SEC24A: variants seen among roughly 807,000 people sequenced by gnomAD.
SEC24A encodes protein transport protein Sec24A.
Under a neutral mutation model 129.4 loss-of-function variants are expected in SEC24A, and 93 were observed. The ratio of observed to expected loss-of-function variants is 0.72; its 90% CI spans 0.61 to 0.85. The LOEUF is 0.85. SEC24A is among the 40% of genes least tolerant of loss of function. SEC24A has a pLI of 0.00. For missense variants in SEC24A, 1,264 were observed against 1,307.4 expected (o/e 0.97, Z 0.51); for synonymous variants, 460 against 467.3 (o/e 0.98, Z 0.20).
At chr5:134,688,143 T>C in intron 10 of SEC24A, 38 bp from the exon 11 acceptor site, 1 of 1,173,042 alleles carries the variant, frequency 8.5e-7, no homozygotes, top group Non-Finnish European at 1.3e-6. Context: ...TGTATGTGGT[T>C]AAAACTTGAT....
In SEC24A at chr5:134,711,448, C is replaced by T. The variant is rs113355976; in HGVS notation, c.2727+2560C>T. Among the ~76,000 whole-genome samples, 569 of 150,712 alleles carry T rather than the reference C, an allele frequency of 3.8e-3. 3 individuals carry two copies. The highest frequency in any genetic ancestry group is 0.013 in the African/African-American group (533 of 41,038). ...ATCCCAGCACCTTGGGAGGCAAAGG[C>T]GGGAGGATTGATTGCTTGAGTCTGG... On this transcript the variant is annotated intron_variant, in intron 18 of 22. Transcript: ENST00000398844.
At chr5:134,707,370 C>T (rs1224268498) in intron 17 of SEC24A, among the ~76,000 whole-genome samples, 1 of 151,560 alleles carries the variant, frequency 6.6e-6, no homozygotes, top group Non-Finnish European at 1.5e-5. Context: ...CACTCTATCG[C>T]CCAGGGTGGA....
At chr5:134,713,517 T>C (rs561029970) in intron 18 of SEC24A, among the ~76,000 whole-genome samples, 1 of 152,266 alleles carries the variant, frequency 6.6e-6, no homozygotes, top group African/African-American at 2.4e-5. Context: ...TTTTCATTCA[T>C]TTTTTTGTCC....
At chr5:134,714,589 G>GA (rs1752424079) in intron 18 of SEC24A, among the ~76,000 whole-genome samples, 1 of 152,192 alleles carries the variant, frequency 6.6e-6, no homozygotes, top group African/African-American at 2.4e-5. Flanking sequence ...TATCTTCTGC[G>GA]AAACCAGTCC....
chr5:134,694,179 A>C (rs1298968834), intron 13 of SEC24A, among the ~76,000 whole-genome samples: 2 of 152,110 alleles, frequency 1.3e-5, no homozygotes, highest in Non-Finnish European at 2.9e-5. Context: ...AGTCTGGGAG[A>C]CTAACAGAAT....
At chr5:134,716,458 G>A (rs1338271426) in intron 19 of SEC24A, among the ~76,000 whole-genome samples, 1 of 130,466 alleles carries the variant, frequency 7.7e-6, no homozygotes, top group African/African-American at 2.9e-5. Flanking sequence ...GACAAAGTGA[G>A]ACTTTGTCTA....
intron 7 of SEC24A, among the ~76,000 whole-genome samples, chr5:134,678,712 G>T (rs1442612825): frequency 6.6e-6 from 1 of 151,984 alleles, no homozygotes; most frequent in Admixed American, 6.6e-5. Flanking sequence ...CTCCTGAGTA[G>T]CTGGGATTAT....
intron 2 of SEC24A, among the ~76,000 whole-genome samples, chr5:134,666,327 G>A (rs1264441360): frequency 5.9e-5 from 9 of 152,046 alleles, no homozygotes; most frequent in Non-Finnish European, 1.3e-4. Flanking sequence ...AGGCCAAGGC[G>A]GGCGAATCAC....
chr5:134,704,425 T>C (rs531240233), intron 16 of SEC24A, among the ~76,000 whole-genome samples: 15 of 152,178 alleles, frequency 9.9e-5, no homozygotes, highest in Non-Finnish European at 8.8e-5. Context: ...AAAAGAGATT[T>C]TTAAAAATTT....
intron 3 of SEC24A, among the ~76,000 whole-genome samples, chr5:134,669,755 G>A (rs1750794321): frequency 6.6e-6 from 1 of 151,986 alleles, no homozygotes; most frequent in South Asian, 2.1e-4. Flanking sequence ...AGGATTACAG[G>A]CATGAGCCAC....
rs1162170025 is a variant in SEC24A, at chr5:134,726,622, G to A, written c.*1528G>A. 2.0e-5 allele frequency: 3 copies of A among 152,462 alleles called. No individual in the cohort carries two copies. The highest frequency in any genetic ancestry group is 4.1e-4 in the South Asian group (2 of 4,830). 9.4% of individuals were successfully genotyped at this position (152,462 alleles called of 1,614,324 possible). A position where few individuals can be genotyped will look rare whatever the true frequency, so the allele number is the denominator to read the frequency against. ...AATATCTCCCTTAAGCAGTGTTAAGGTTGGTTTGCAGTGTGTAAGTGGCAC... is the reference window on the plus strand; with the variant it reads ...AATATCTCCCTTAAGCAGTGTTAAGATTGGTTTGCAGTGTGTAAGTGGCAC... On this transcript the variant is annotated 3_prime_UTR_variant, in exon 23 of 23. Coordinates refer to ENST00000398844, the MANE Select transcript of SEC24A (RefSeq NM_021982.3).
Position 134,661,281 on chromosome 5 carries a change from A to G in SEC24A, c.260A>G (p.Asn87Ser). ...TCTCAGGGATCTGGGCAGACTCTTA[A>G]TAGACCACCTGTGGCCTCTAATCCA... is the stretch of plus-strand genomic sequence containing the variant. ...GGSQGSGQTLNRPPVASNPVT... is the reference protein window; with the variant it reads ...GGSQGSGQTLSRPPVASNPVT... The change falls in exon 2 of 23, where the codon AAT (asparagine) becomes AGT (serine). Residue 87 changes from asparagine to serine, a missense_variant. By Grantham distance (46) the Asn-to-Ser change is conservative. Coordinates refer to ENST00000398844, the MANE Select transcript of SEC24A (RefSeq NM_021982.3). 1 of 1,614,190 alleles carries G rather than the reference A, an allele frequency of 6.2e-7. No homozygotes were observed. The highest frequency in any genetic ancestry group is 8.5e-7 in the Non-Finnish European group (1 of 1,180,036).
chr5:134,720,234 T>G (rs1580743892), intron 20 of SEC24A, among the ~76,000 whole-genome samples: 1 of 152,222 alleles, frequency 6.6e-6, no homozygotes, highest in South Asian at 2.1e-4. Context: ...TTATCCCTTC[T>G]GCCATATTTT....
rs947969467 is a variant in SEC24A at position 134,660,623 on chromosome 5, T to G, written c.98-496T>G. Among the ~76,000 whole-genome samples, 4 of 151,568 alleles carry G rather than the reference T, an allele frequency of 2.6e-5. No individual in the cohort carries two copies. The East Asian group carries it at 7.7e-4, about 29-fold the overall frequency. On this transcript the variant is annotated intron_variant, in intron 1 of 22. Coordinates refer to ENST00000398844, the MANE Select transcript of SEC24A (RefSeq NM_021982.3). ...CAGGCTGGAGTGCAATGGTGTGACC[T>G]TGGCTCACTGCAGCCTTGACCTCCT... is the stretch of plus-strand genomic sequence containing the variant.
intron 15 of SEC24A, among the ~76,000 whole-genome samples, chr5:134,701,591 A>C (rs1016930171): frequency 6.6e-6 from 1 of 151,624 alleles, no homozygotes; most frequent in African/African-American, 2.4e-5. Flanking sequence ...GCTCACTGCA[A>C]CCTTCGCCTC....
intron 17 of SEC24A, among the ~76,000 whole-genome samples, chr5:134,707,890 G>A (rs1256891838): frequency 2.0e-5 from 3 of 152,000 alleles, no homozygotes; most frequent in African/African-American, 7.3e-5. Context: ...CATGGCAAAT[G>A]ATGAAAATCT....
chr5:134,685,425 C>A (rs965330629), intron 9 of SEC24A, among the ~76,000 whole-genome samples: 1 of 151,462 alleles, frequency 6.6e-6, no homozygotes, highest in African/African-American at 2.4e-5. Flanking sequence ...ATTTACATAG[C>A]ATTTATGTTG....
chr5:134,700,664 T>G (rs1296557952), intron 15 of SEC24A, among the ~76,000 whole-genome samples: 1 of 151,768 alleles, frequency 6.6e-6, no homozygotes, highest in Non-Finnish European at 1.5e-5. Context: ...TATCTATCCT[T>G]CACTATAATT....
rs755261606 is a variant in SEC24A, at chr5:134,708,767, A to G, written c.2606A>G (p.Asn869Ser). Reference sequence around the variant, plus strand: ...AGTGACGCTCGGGATGCTCTAGTGAATGCAGTCATTGACTCCCTTTCAGCT... The same window carrying G: ...AGTGACGCTCGGGATGCTCTAGTGAGTGCAGTCATTGACTCCCTTTCAGCT... ...SLSDARDALVNAVIDSLSAYR... is the reference protein window; with the variant it reads ...SLSDARDALVSAVIDSLSAYR... Residue 869 changes from asparagine (N) to serine (S), a missense_variant, in exon 18 of 23, where the codon AAT (asparagine) becomes AGT (serine). Asn to Ser is a conservative substitution (Grantham distance 46). Coordinates refer to ENST00000398844, the MANE Select transcript of SEC24A (RefSeq NM_021982.3). 2 of 1,614,192 alleles carry G rather than the reference A, an allele frequency of 1.2e-6. No individual in the cohort carries two copies. Among genetic ancestry groups the G allele is most frequent in the South Asian group, 2.2e-5 (2 of 91,086 alleles).
Sources: allele counts gnomAD v4.1 joint callset (sites outside exome capture counted in the v4.1 genomes callset), GRCh38; gene constraint gnomAD v4.1.1; transcripts MANE v1.5; gene names NCBI Gene and HGNC (gene_info 2026-07-23, HGNC 2026-07-21).